The following DDAH1 variants were observed in gnomAD, a reference collection of about 807,000 sequenced individuals.
The protein encoded by DDAH1 is dimethylarginine dimethylaminohydrolase 1.
In DDAH1, 19 loss-of-function variants were observed where a neutral mutation model predicts 28.8. The ratio of observed to expected loss-of-function variants is 0.66; its 90% CI spans 0.46 to 0.97. The LOEUF (loss-of-function observed/expected upper bound fraction) is 0.97, where lower values mean the gene tolerates loss of function less well. Ranked by LOEUF, DDAH1 falls within the 50% of genes least tolerant of loss-of-function variation. The probability of loss-of-function intolerance (pLI) is 0.00; values close to 1 mark genes in which losing one functional copy is unlikely to be tolerated. For missense variants in DDAH1, 326 were observed against 375.9 expected (o/e 0.87, Z 1.10); for synonymous variants, 153 against 154.4 (o/e 0.99, Z 0.07).
intron 4 of DDAH1, among the ~76,000 whole-genome samples, chr1:85,339,244 T>C (rs1469797527): frequency 6.6e-6 from 1 of 152,116 alleles, no homozygotes; most frequent in African/African-American, 2.4e-5. Context: ...TAGCTCCTAA[T>C]TGTTTTTCAT....
chr1:85,404,062 A>G (rs993952245), intron 1 of DDAH1, among the ~76,000 whole-genome samples: 1 of 152,250 alleles, frequency 6.6e-6, no homozygotes, highest in Non-Finnish European at 1.5e-5. Flanking sequence ...AGGATAATGA[A>G]TATTTCTATA....
At chr1:85,352,329 T>A (rs1052390044) in intron 2 of DDAH1, among the ~76,000 whole-genome samples, 5 of 152,116 alleles carry the variant, frequency 3.3e-5, no homozygotes, top group Non-Finnish European at 7.4e-5. Context: ...GGTTGCCGCC[T>A]TGCACCCCGA....
chr1:85,513,259 C>T (rs1463330056), intron 1 of DDAH1, among the ~76,000 whole-genome samples: 1 of 152,244 alleles, frequency 6.6e-6, no homozygotes, highest in East Asian at 1.9e-4. Flanking sequence ...GAAAGGATTC[C>T]CTATTTAATA....
chr1:85,365,413 C>T (rs1487683103), intron 1 of DDAH1, among the ~76,000 whole-genome samples: 1 of 152,168 alleles, frequency 6.6e-6, no homozygotes, highest in African/African-American at 2.4e-5. Flanking sequence ...CTACAAATTG[C>T]AGCAGTCTGA....
chr1:85,344,196 TGTA>T (rs1355442181), intron 4 of DDAH1, among the ~76,000 whole-genome samples: 3 of 152,222 alleles, frequency 2.0e-5, no homozygotes, highest in Non-Finnish European at 4.4e-5. Flanking sequence ...ACCACGTCCT[TGTA>T]GTATTTTTAT....
chr1:85,341,089 CTTATG>C (rs1048188532), intron 4 of DDAH1, among the ~76,000 whole-genome samples: 1 of 152,200 alleles, frequency 6.6e-6, no homozygotes, highest in Non-Finnish European at 1.5e-5. Flanking sequence ...TTATTAGCCA[CTTATG>C]TTGTGTTGCA....
At chr1:85,323,790 AG>A (rs1661449483) in intron 5 of DDAH1, among the ~76,000 whole-genome samples, 1 of 151,734 alleles carries the variant, frequency 6.6e-6, no homozygotes, top group Non-Finnish European at 1.5e-5. Flanking sequence ...GGGCAACATA[AG>A]GAGACCCCGT....
chr1:85,528,497 CTA>C (rs1321055195), intron 1 of DDAH1, among the ~76,000 whole-genome samples: 2 of 150,136 alleles, frequency 1.3e-5, no homozygotes, highest in Admixed American at 6.6e-5. Context: ...TAAAAGGACT[CTA>C]TATTTTACTT....
upstream of DDAH1, among the ~76,000 whole-genome samples, chr1:85,466,041 C>G (rs1174517942): frequency 1.3e-5 from 2 of 152,160 alleles, no homozygotes; most frequent in Non-Finnish European, 2.9e-5. Flanking sequence ...GGGCCAAGGC[C>G]CAGGCTACAG....
chr1:85,339,732 C>T (rs1648354703), intron 4 of DDAH1, among the ~76,000 whole-genome samples: 1 of 152,116 alleles, frequency 6.6e-6, no homozygotes, highest in Non-Finnish European at 1.5e-5. Context: ...TATGTTTCAC[C>T]CTATGCTTTA....
chr1:85,458,073 G>A (rs1002241673), intron 1 of DDAH1, among the ~76,000 whole-genome samples: 3 of 152,230 alleles, frequency 2.0e-5, no homozygotes, highest in Admixed American at 2.0e-4. Flanking sequence ...TCACTGGAAT[G>A]ATAACTTACC....
intron 1 of DDAH1, among the ~76,000 whole-genome samples, chr1:85,382,000 A>G (rs2207368): frequency 0.34 from 51,516 of 152,046 alleles, 8,891 homozygotes; most frequent in South Asian, 0.41. Flanking sequence ...GCCAATTAAT[A>G]TCCTACCATG....
At chr1:85,374,024 T>G (rs932126272) in intron 1 of DDAH1, among the ~76,000 whole-genome samples, 1 of 152,170 alleles carries the variant, frequency 6.6e-6, no homozygotes, top group Non-Finnish European at 1.5e-5. Flanking sequence ...CCAGTAACCA[T>G]TGCTCATTCT....
intron 5 of DDAH1, 102 bp downstream of exon 5, chr1:85,324,638 A>C (rs928684345): frequency 1.6e-6 from 2 of 1,267,564 alleles, no homozygotes; most frequent in Non-Finnish European, 1.1e-6. Context: ...TAATTGTTTG[A>C]TATGTATACA....
At chr1:85,499,666 C>CAA (rs56378574) in intron 1 of DDAH1, among the ~76,000 whole-genome samples, 118 of 134,976 alleles carry the variant, frequency 8.7e-4, no homozygotes, top group East Asian at 4.1e-3. Context: ...GACTCCATCT[C>CAA]AAAAAAAAAA....
chr1:85,354,040 C>T (rs576604111), intron 2 of DDAH1, among the ~76,000 whole-genome samples: 30 of 152,304 alleles, frequency 2.0e-4, no homozygotes, highest in African/African-American at 7.0e-4. Flanking sequence ...TCTGGCAGTA[C>T]GTTGGATGAG....
chr1:85,575,648 T>C (rs1385483403), intron 1 of DDAH1, among the ~76,000 whole-genome samples: 1 of 152,202 alleles, frequency 6.6e-6, no homozygotes, highest in Non-Finnish European at 1.5e-5. Flanking sequence ...CCTAGACTAT[T>C]TGGGTAAGCT....
intron 1 of DDAH1, among the ~76,000 whole-genome samples, chr1:85,570,131 T>C (rs2100564267): frequency 6.6e-6 from 1 of 152,288 alleles, no homozygotes; most frequent in South Asian, 2.1e-4. Flanking sequence ...GTTTTACCAC[T>C]GACGAGACTG....
At chr1:85,561,167 A>G (rs922847081) in intron 1 of DDAH1, among the ~76,000 whole-genome samples, 1 of 152,082 alleles carries the variant, frequency 6.6e-6, no homozygotes, top group Non-Finnish European at 1.5e-5. Context: ...TGAGCATGTT[A>G]CTTCATACCT....
Sources: allele counts gnomAD v4.1 joint callset (sites outside exome capture counted in the v4.1 genomes callset), GRCh38; gene constraint gnomAD v4.1.1; transcripts MANE v1.5; gene names NCBI Gene and HGNC (gene_info 2026-07-23, HGNC 2026-07-21).